SPIRE1: variants seen among roughly 807,000 people sequenced by gnomAD.
SPIRE1 encodes the protein protein spire homolog 1.
A neutral mutation model predicts 94.1 loss-of-function variants in SPIRE1; 40 were observed. The observed-to-expected ratio is 0.43, with a 90% CI of 0.33 to 0.55. The LOEUF is 0.55. Ranked by LOEUF, SPIRE1 falls within the 20% of genes least tolerant of loss-of-function variation. SPIRE1 has a pLI of 0.06. For synonymous variants in SPIRE1, 376 were observed against 371.7 expected, an observed-to-expected ratio of 1.01 and a Z score of -0.13; for missense variants, 838 against 975.2, an observed-to-expected ratio of 0.86 and a Z score of 1.87.
intron 1 of SPIRE1, among the ~76,000 whole-genome samples, chr18:12,650,828 G>T (rs112098233): frequency 2.1e-5 from 3 of 144,066 alleles, no homozygotes; most frequent in African/African-American, 7.7e-5. Context: ...GCAGTGAGCC[G>T]ATCAAACCAC....
intron 2 of SPIRE1, among the ~76,000 whole-genome samples, chr18:12,548,428 C>A (rs983103378): frequency 6.6e-6 from 1 of 152,150 alleles, no homozygotes; most frequent in East Asian, 1.9e-4. Flanking sequence ...CTGAAATCTA[C>A]TTTACCAATG....
At chr18:12,477,233 G>A (rs1405896426) in intron 10 of SPIRE1, among the ~76,000 whole-genome samples, 3 of 152,188 alleles carry the variant, frequency 2.0e-5, no homozygotes, top group Non-Finnish European at 4.4e-5. Context: ...CAGGAAGGTA[G>A]TTCCTGGCAG....
At chr18:12,542,617 T>C (rs1049105878) in intron 3 of SPIRE1, among the ~76,000 whole-genome samples, 1 of 152,274 alleles carries the variant, frequency 6.6e-6, no homozygotes, top group African/African-American at 2.4e-5. Context: ...TTTATTTATT[T>C]TTAGTGGCTT....
intron 2 of SPIRE1, among the ~76,000 whole-genome samples, chr18:12,557,204 C>A (rs1184772842): frequency 6.6e-6 from 1 of 152,210 alleles, no homozygotes; most frequent in African/African-American, 2.4e-5. Context: ...GGGGGTGGCG[C>A]CCGTCGGGGA....
At chr18:12,549,964 G>T (rs1476708584) in intron 2 of SPIRE1, among the ~76,000 whole-genome samples, 1 of 152,130 alleles carries the variant, frequency 6.6e-6, no homozygotes, top group Non-Finnish European at 1.5e-5. Context: ...TCTTCTTCAA[G>T]AAGTCATTTT....
chr18:12,453,177 A>G (rs765116126), intron 13 of SPIRE1, 39 bp from the exon 14 acceptor site: 46 of 1,438,360 alleles, frequency 3.2e-5, no homozygotes, highest in Non-Finnish European at 4.0e-5. Flanking sequence ...AAACATTGCC[A>G]ACAGCAAATT....
rs74524476 is a variant in SPIRE1 at position 12,508,994 on chromosome 18, G to A, written c.808-2353C>T. Among the ~76,000 whole-genome samples, 557 of 152,078 alleles carry A rather than the reference G, an allele frequency of 3.7e-3. 3 individuals are homozygous for A. Among genetic ancestry groups the A allele is most frequent in the African/African-American group, 0.013 (534 of 41,484 alleles). On this transcript the variant is annotated intron_variant, in intron 5 of 16. Transcript: ENST00000409402. ...CTGGCCCACACTTTGTTACATAGTC[G>A]GTTTTGTGTGCATGATTGTTTGGTT...
intron 2 of SPIRE1, among the ~76,000 whole-genome samples, chr18:12,564,904 G>C (rs1337557297): frequency 2.0e-5 from 3 of 151,862 alleles, no homozygotes; most frequent in Non-Finnish European, 4.4e-5. Context: ...AAAACAAAAT[G>C]GAGTATCTAA....
In SPIRE1 at chr18:12,605,147, A is replaced by G. The variant is rs528619522; in HGVS notation, c.372+29915T>C. Among the ~76,000 whole-genome samples the G allele has an allele frequency of 8.5e-5, 13 of 152,350 alleles. No homozygotes were observed. The South Asian group carries it at 2.7e-3, about 32-fold the overall frequency. The stretch of plus-strand genomic sequence containing the variant: ...TTTGCAAAATGAAAAGGTTCTGGAG[A>G]TATGTTTCACAACAATATATTTAAC... On this transcript the variant is annotated intron_variant, in intron 2 of 16. Coordinates refer to ENST00000409402, the MANE Select transcript of SPIRE1 (RefSeq NM_001128626.2).
intron 10 of SPIRE1, among the ~76,000 whole-genome samples, chr18:12,476,099 T>C (rs909457940): frequency 6.6e-6 from 1 of 152,242 alleles, no homozygotes; most frequent in East Asian, 1.9e-4. Flanking sequence ...ACACAATTCA[T>C]CTACCACTAT....
intron 12 of SPIRE1, among the ~76,000 whole-genome samples, chr18:12,457,881 T>A (rs1190631884): frequency 6.6e-6 from 1 of 150,574 alleles, no homozygotes; most frequent in Non-Finnish European, 1.5e-5. Flanking sequence ...GTCTCGCTCT[T>A]TCGCCCAGGC....
chr18:12,636,952 C>T (rs984847726), intron 1 of SPIRE1, among the ~76,000 whole-genome samples: 3 of 152,162 alleles, frequency 2.0e-5, no homozygotes, highest in Admixed American at 6.6e-5. Flanking sequence ...AGGAAGGGTA[C>T]AGACTGCCTT....
Position 12,657,848 on chromosome 18 carries a change from G to T in SPIRE1, c.19C>A (p.Pro7Thr). MAQAAGPAGGGEPRTEA... is the reference protein window; with the variant it reads MAQAAGTAGGGEPRTEA... ...GTCCGCGGCTCCCCGCCGCCCGCCG[G>T]GCCAGCCGCCTGAGCCATCCCGCGG... Residue 7 changes from proline to threonine, a missense_variant, in exon 1 of 17, where the codon CCG becomes ACG. Around this residue, in one of 2 missense-constraint regions of SPIRE1, gnomAD observed 193 missense variants for 170.5 expected, o/e 1.13. Coordinates refer to ENST00000409402, the MANE Select transcript of SPIRE1 (RefSeq NM_001128626.2). The T allele has an allele frequency of 9.0e-7, 1 of 1,112,272 alleles. No individual in the cohort carries two copies. Among genetic ancestry groups the T allele is most frequent in the Middle Eastern group, 3.9e-4 (1 of 2,576 alleles). The allele number at this position is 1,112,272 out of a possible 1,614,324, so 68.9% of individuals were successfully genotyped here.
intron 2 of SPIRE1, among the ~76,000 whole-genome samples, chr18:12,558,624 G>A (rs954588229): frequency 6.6e-6 from 1 of 152,200 alleles, no homozygotes. Context: ...GTGCTGATTG[G>A]TGTGTTTACA....
Position 12,549,439 on chromosome 18 carries a change from GTTTTTTTTTTTTTTTTTTTTT to G in SPIRE1, c.373-2556_373-2536del, listed in dbSNP as rs869122444. ...CTTTTTGTTTGTTTTTGTTATTGTT[GTTTTTTTTTTTTTTTTTTTTT>G]TTTTTTTTTGGAGACAGAGTCTTGC... On this transcript the variant is annotated intron_variant, in intron 2 of 16. Coordinates refer to ENST00000409402, the MANE Select transcript of SPIRE1 (RefSeq NM_001128626.2). Among the ~76,000 whole-genome samples the G allele has an allele frequency of 9.7e-5, 4 of 41,248 alleles. No individual in the cohort carries two copies. The Admixed American group carries it at 1.6e-3, about 16-fold the overall frequency. 27.1% of individuals were successfully genotyped at this position (41,248 alleles called of 152,430 possible).
At chr18:12,617,834 A>G (rs2037355301) in intron 2 of SPIRE1, among the ~76,000 whole-genome samples, 1 of 152,042 alleles carries the variant, frequency 6.6e-6, no homozygotes, top group Non-Finnish European at 1.5e-5. Flanking sequence ...GGGGTTCCAG[A>G]CATGAACCAC....
At chr18:12,640,235 C>T (rs1244899534) in intron 1 of SPIRE1, among the ~76,000 whole-genome samples, 1 of 151,904 alleles carries the variant, frequency 6.6e-6, no homozygotes, top group Non-Finnish European at 1.5e-5. Flanking sequence ...CTATACCTAC[C>T]AAAAAAACAG....
At chr18:12,631,339 G>GA (rs558780396) in intron 2 of SPIRE1, among the ~76,000 whole-genome samples, 18 of 148,586 alleles carry the variant, frequency 1.2e-4, no homozygotes, top group Admixed American at 4.7e-4. Context: ...TTTTATGGAG[G>GA]AAAAAAAAAC....
At chr18:12,567,684 T>C (rs997971040) in intron 2 of SPIRE1, among the ~76,000 whole-genome samples, 3 of 152,176 alleles carry the variant, frequency 2.0e-5, no homozygotes, top group East Asian at 1.9e-4. Flanking sequence ...ATATAAATTT[T>C]TGGTAGCATA....
Sources: gnomAD v4.1 joint callset for allele counts (sites outside exome capture counted in the v4.1 genomes callset) on GRCh38, gnomAD v4.1.1 for gene constraint, gnomAD v4.1.1 regional missense constraint, MANE v1.5 for transcripts, NCBI Gene and HGNC (gene_info 2026-07-23, HGNC 2026-07-21) for gene names.